CAB39: variants seen among roughly 807,000 people sequenced by gnomAD.
The protein encoded by CAB39 is calcium binding protein 39.
A neutral mutation model predicts 40.0 loss-of-function variants in CAB39; 8 were observed. That is an observed-to-expected ratio of 0.20 (90% CI 0.12 to 0.36). CAB39 has a LOEUF of 0.36. CAB39 is among the 10% of genes least tolerant of loss of function. CAB39 has a pLI of 1.00. For synonymous variants in CAB39, 156 were observed against 141.6 expected (o/e 1.10, Z -0.72); for missense variants, 270 against 401.1 (o/e 0.67, Z 2.79).
chr2:230,741,446 C>T (rs553725083), intron 1 of CAB39, among the ~76,000 whole-genome samples: 1 of 152,200 alleles, frequency 6.6e-6, no homozygotes, highest in Non-Finnish European at 1.5e-5. Context: ...CGTCAGTTTA[C>T]TTCTAGTATT....
At chr2:230,790,569 T>C (rs1330128056) in intron 2 of CAB39, among the ~76,000 whole-genome samples, 1 of 152,198 alleles carries the variant, frequency 6.6e-6, no homozygotes, top group Non-Finnish European at 1.5e-5. Context: ...TCCCTCCCAC[T>C]TGAGGAAGTG....
At chr2:230,753,759 A>G (rs969119973) in intron 1 of CAB39, among the ~76,000 whole-genome samples, 6 of 150,430 alleles carry the variant, frequency 4.0e-5, no homozygotes, top group Admixed American at 3.3e-4. Flanking sequence ...AAAAAAAAAA[A>G]GAAAAGAAAA....
chr2:230,773,003 A>G (rs1357720333), intron 2 of CAB39, among the ~76,000 whole-genome samples: 6 of 139,676 alleles, frequency 4.3e-5, no homozygotes, highest in Non-Finnish European at 9.5e-5. Flanking sequence ...AAAAAAAAAA[A>G]CTATTGCTGT....
Position 230,761,022 on chromosome 2 carries a change from T to C in CAB39, c.114+907T>C, listed in dbSNP as rs188436986. On this transcript the variant is annotated intron_variant, in intron 2 of 8. Coordinates refer to ENST00000258418, the MANE Select transcript of CAB39 (RefSeq NM_016289.4). ...AATTGTAGAGGTTTAGTGTCACTTA[T>C]CCAAAATGCTTGGGATCAGAAGTGT... is the stretch of plus-strand genomic sequence containing the variant. Among the ~76,000 whole-genome samples, 289 of 152,252 alleles carry C rather than the reference T, an allele frequency of 1.9e-3. 2 individuals carry two copies. The highest frequency in any genetic ancestry group is 6.7e-3 in the African/African-American group (278 of 41,544).
At chr2:230,777,365 T>TG (rs201453768) in intron 2 of CAB39, among the ~76,000 whole-genome samples, 8 of 151,138 alleles carry the variant, frequency 5.3e-5, no homozygotes, top group Admixed American at 1.3e-4. Flanking sequence ...TTTTTTTGTT[T>TG]TTTTTTTTTT....
At chr2:230,818,451 C>CGCAGCTCAGGTGTGGCT in intron 8 of CAB39, 65 bp from the exon 9 acceptor site, 1 of 1,353,022 alleles carries the variant, frequency 7.4e-7, no homozygotes, top group South Asian at 1.3e-5. Context: ...GCACTGTGGC[C>CGCAGCTCAGGTGTGGCT]GCAGCTCAGG....
intron 1 of CAB39, among the ~76,000 whole-genome samples, chr2:230,731,295 A>G (rs751763565): frequency 2.6e-5 from 4 of 152,250 alleles, no homozygotes; most frequent in Non-Finnish European, 5.9e-5. Context: ...AGACGATCTC[A>G]TATACTGCTG....
At chr2:230,736,631 C>T (rs1480224533) in intron 1 of CAB39, among the ~76,000 whole-genome samples, 1 of 152,136 alleles carries the variant, frequency 6.6e-6, no homozygotes, top group Non-Finnish European at 1.5e-5. Context: ...GTAATCGAGA[C>T]CCTGTGGATC....
intron 4 of CAB39, 103 bp from the exon 5 acceptor site, chr2:230,798,614 AGTTAGGATACAT>A: frequency 1.3e-6 from 1 of 771,640 alleles, no homozygotes; most frequent in East Asian, 2.7e-5. Context: ...ATGGTCATTT[AGTTAGGATACAT>A]GTCTGAAAAC....
At chr2:230,758,553 A>G (rs1695233894) in intron 1 of CAB39, among the ~76,000 whole-genome samples, 1 of 152,220 alleles carries the variant, frequency 6.6e-6, no homozygotes, top group Admixed American at 6.5e-5. Context: ...TTCTTTATAA[A>G]CAAATATGTA....
intron 2 of CAB39, among the ~76,000 whole-genome samples, chr2:230,763,209 T>G (rs1268985462): frequency 6.6e-6 from 1 of 152,236 alleles, no homozygotes; most frequent in Non-Finnish European, 1.5e-5. Context: ...AATCTCCGTG[T>G]CTGGCTTAAT....
chr2:230,723,160 A>G (rs571429581), intron 1 of CAB39, among the ~76,000 whole-genome samples: 33 of 152,256 alleles, frequency 2.2e-4, no homozygotes, highest in Non-Finnish European at 4.0e-4. Flanking sequence ...AATAAAAGTT[A>G]CTGTTTCCTG....
chr2:230,791,549 C>T lies in CAB39; in HGVS notation c.279+513C>T, dbSNP rs1434936525. Among the ~76,000 whole-genome samples the T allele has an allele frequency of 3.9e-5, 6 of 152,178 alleles. No individual in the cohort carries two copies. The East Asian group carries it at 1.2e-3, about 29-fold the overall frequency. Reference sequence around the variant, plus strand: ...TTAAATTAGTGTAACATTTAAGTGACAGGACATTTATACACGGTCTGAATT... The same window carrying T: ...TTAAATTAGTGTAACATTTAAGTGATAGGACATTTATACACGGTCTGAATT... On this transcript the variant is annotated intron_variant, in intron 3 of 8. Coordinates refer to ENST00000258418, the MANE Select transcript of CAB39 (RefSeq NM_016289.4).
rs1403447928 is a variant in CAB39 at position 230,804,065 on chromosome 2, A to G, written c.567+5168A>G. ...CCAAAACAGAGATATAGACCAATGG[A>G]ACAGAACAGAGGCCTCAGAAATAAC... On this transcript the variant is annotated intron_variant, in intron 5 of 8. Coordinates refer to ENST00000258418, the MANE Select transcript of CAB39 (RefSeq NM_016289.4). Among the ~76,000 whole-genome samples the G allele has an allele frequency of 4.6e-5, 7 of 152,344 alleles. No homozygotes were observed. The East Asian group carries it at 1.3e-3, about 29-fold the overall frequency.
chr2:230,728,548 T>G (rs1694628900), intron 1 of CAB39, among the ~76,000 whole-genome samples: 1 of 152,162 alleles, frequency 6.6e-6, no homozygotes. Flanking sequence ...GCAATCCACC[T>G]GCCTCAGCTT....
chr2:230,815,851 G>A (rs56101218), intron 7 of CAB39, among the ~76,000 whole-genome samples: 4,985 of 152,260 alleles, frequency 0.033, 266 homozygotes, highest in African/African-American at 0.11. Context: ...AGCACCAGCC[G>A]TACTTTAAAG....
chr2:230,748,831 A>AAAAAATAT (rs1386799920), intron 1 of CAB39, among the ~76,000 whole-genome samples: 39 of 28,486 alleles, frequency 1.4e-3, no homozygotes, highest in Non-Finnish European at 2.0e-3. Flanking sequence ...AAAAAAAAAA[A>AAAAAATAT]ATATATATAT....
rs1210017512 is a variant in CAB39, at chr2:230,724,749, ATCT to A, written c.-44+11521_-44+11523del. On this transcript the variant is annotated intron_variant, in intron 1 of 8. Transcript: ENST00000258418. ...CTCTATGAGTAGTTTACCTCGTTTAATCTTTTTTTTTTTTTTTTTTGAAAGCCA... is the reference window on the plus strand; with the variant it reads ...CTCTATGAGTAGTTTACCTCGTTTAATTTTTTTTTTTTTTTTTGAAAGCCA... 2.8e-5 allele frequency among the ~76,000 whole-genome samples: 4 copies of A among 145,024 alleles called. No homozygotes were observed. In the East Asian group the frequency reaches 7.8e-4, roughly 28 times the overall value.
intron 1 of CAB39, among the ~76,000 whole-genome samples, chr2:230,717,013 T>G (rs1386205153): frequency 6.6e-6 from 1 of 152,074 alleles, no homozygotes; most frequent in Non-Finnish European, 1.5e-5. Context: ...AATGTATATA[T>G]AAAATAAAAA....
Sources: gnomAD v4.1 joint callset for allele counts (sites outside exome capture counted in the v4.1 genomes callset) on GRCh38, gnomAD v4.1.1 for gene constraint, MANE v1.5 for transcripts, NCBI Gene and HGNC (gene_info 2026-07-23, HGNC 2026-07-21) for gene names.